The following RGS6 variants were observed in gnomAD, a reference collection of about 807,000 sequenced individuals.
RGS6 encodes the protein regulator of G-protein signaling 6.
RGS6 carries 30 observed loss-of-function variants against 78.5 expected under a neutral mutation model. That is an observed-to-expected ratio of 0.38 (90% confidence interval 0.29 to 0.52). The LOEUF is 0.52. Ranked by LOEUF, RGS6 falls within the 20% of genes least tolerant of loss-of-function variation. The probability of loss-of-function intolerance (pLI) is 0.85; values close to 1 mark genes in which losing one functional copy is unlikely to be tolerated. For synonymous variants in RGS6, 206 were observed against 206.0 expected, an observed-to-expected ratio of 1.00 and a Z score of 0.00; for missense variants, 495 against 609.7, an observed-to-expected ratio of 0.81 and a Z score of 1.98.
At chr14:72,129,381 AATGG>A (rs1182994246) in intron 2 of RGS6, among the ~76,000 whole-genome samples, 1 of 152,254 alleles carries the variant, frequency 6.6e-6, no homozygotes, top group Non-Finnish European at 1.5e-5. Context: ...TGAATAAACA[AATGG>A]ATGAACAAAC....
intron 3 of RGS6, among the ~76,000 whole-genome samples, chr14:72,418,712 T>C (rs995221389): frequency 6.6e-6 from 1 of 152,228 alleles, no homozygotes; most frequent in Non-Finnish European, 1.5e-5. Context: ...CTGTTGTTTA[T>C]TCTCACCTCT....
At chr14:72,582,237 C>A in the RGS6 span, among the ~76,000 whole-genome samples, 3 of 152,112 alleles carry the variant, frequency 2.0e-5, no homozygotes, top group Non-Finnish European at 2.9e-5. Flanking sequence ...TCAGTGGAAA[C>A]AAACCATACG....
chr14:71,932,989 A>C (rs1353494126), intron 1 of RGS6, 48 bp downstream of exon 1: 1 of 152,274 alleles, frequency 6.6e-6, no homozygotes, highest in African/African-American at 2.4e-5. Context: ...ATGGGGGAAA[A>C]ACATGGTTTA....
chr14:71,907,159 G>A, the RGS6 span, among the ~76,000 whole-genome samples: 5 of 152,212 alleles, frequency 3.3e-5, no homozygotes, highest in Non-Finnish European at 7.3e-5. Flanking sequence ...CTGCCCTCAT[G>A]AGGCTACGGT....
rs549853385 is a variant in RGS6 at position 72,216,738 on chromosome 14, G to A, written c.85-135357G>A. Among the ~76,000 whole-genome samples the A allele has an allele frequency of 6.6e-4, 101 of 152,238 alleles. 2 individuals carry two copies. Among genetic ancestry groups the A allele is most frequent in the African/African-American group, 2.2e-3 (91 of 41,556 alleles). ...GAAGAGCTAATCAGCCTTGAACGGCGCTGAGGTGTGTGTTTCTCTCTCTCT... is the reference window on the plus strand; with the variant it reads ...GAAGAGCTAATCAGCCTTGAACGGCACTGAGGTGTGTGTTTCTCTCTCTCT... On this transcript the variant is annotated intron_variant, in intron 2 of 17. Coordinates refer to ENST00000553525, the MANE Select transcript of RGS6 (RefSeq NM_001204424.2).
At chr14:71,893,059 T>C in the RGS6 span, among the ~76,000 whole-genome samples, 1 of 152,384 alleles carries the variant, frequency 6.6e-6, no homozygotes, top group African/African-American at 2.4e-5. Flanking sequence ...GTAAAATCTT[T>C]ATTAGTTGGT....
At chr14:72,520,432 T>A (rs996165283) in intron 15 of RGS6, among the ~76,000 whole-genome samples, 7 of 152,238 alleles carry the variant, frequency 4.6e-5, no homozygotes, top group African/African-American at 1.2e-4. Context: ...GGTGCTCTCC[T>A]ATCAGAAGGC....
chr14:71,914,466 T>G, the RGS6 span, among the ~76,000 whole-genome samples: 2 of 152,212 alleles, frequency 1.3e-5, no homozygotes, highest in Admixed American at 6.5e-5. Context: ...CTGGTGAGCT[T>G]GTTTTCTACC....
chr14:72,142,481 A>G (rs986971630), intron 2 of RGS6, among the ~76,000 whole-genome samples: 4 of 152,186 alleles, frequency 2.6e-5, no homozygotes, highest in Non-Finnish European at 5.9e-5. Flanking sequence ...AAAATCACTC[A>G]GAGGAAGTCC....
At chr14:72,179,791 C>T (rs2097151362) in intron 2 of RGS6, among the ~76,000 whole-genome samples, 1 of 152,030 alleles carries the variant, frequency 6.6e-6, no homozygotes, top group South Asian at 2.1e-4. Flanking sequence ...CACCTGGGAA[C>T]TTGTTACAAA....
At chr14:72,465,470 G>C (rs1256019319) in intron 6 of RGS6, among the ~76,000 whole-genome samples, 2 of 46,478 alleles carry the variant, frequency 4.3e-5, no homozygotes, top group Admixed American at 2.5e-4. Context: ...TCCCAGGACA[G>C]TGCTCATGAG....
chr14:72,521,882 A>G (rs1259549380), intron 15 of RGS6, among the ~76,000 whole-genome samples: 1 of 152,250 alleles, frequency 6.6e-6, no homozygotes, highest in African/African-American at 2.4e-5. Flanking sequence ...ACAATAAGAC[A>G]GAGTAAATAC....
intron 2 of RGS6, among the ~76,000 whole-genome samples, chr14:72,122,739 C>T (rs1263048505): frequency 2.8e-4 from 35 of 125,316 alleles, no homozygotes; most frequent in Non-Finnish European, 4.2e-4. Context: ...TCTAAGTTAT[C>T]GTTTTTTTTT....
At chr14:72,522,957 A>G (rs1190692165) in intron 15 of RGS6, among the ~76,000 whole-genome samples, 1 of 152,256 alleles carries the variant, frequency 6.6e-6, no homozygotes, top group African/African-American at 2.4e-5. Context: ...ATGGCAACAC[A>G]GCAATCTGAA....
intron 17 of RGS6, among the ~76,000 whole-genome samples, chr14:72,547,585 C>CG (rs2097427403): frequency 6.6e-6 from 1 of 152,098 alleles, no homozygotes; most frequent in Non-Finnish European, 1.5e-5. Context: ...GGGACACTGC[C>CG]GGGGGTGGGA....
intron 2 of RGS6, among the ~76,000 whole-genome samples, chr14:72,028,509 T>C (rs1339444086): frequency 6.6e-6 from 1 of 152,246 alleles, no homozygotes; most frequent in East Asian, 1.9e-4. Flanking sequence ...TTTCTGGTAA[T>C]AGCATGCTAA....
At position 72,474,737 on chromosome 14, in the gene RGS6, A is replaced by C. The variant is rs772473913; in HGVS notation, c.693+38A>C. ...AGCTGAGTTAAAAATTCCTGATGTG[A>C]ATAGCCCTTCCAGTTCTAGTACTAT... On this transcript the variant is annotated intron_variant, in intron 10 of 17. Coordinates refer to ENST00000553525, the MANE Select transcript of RGS6 (RefSeq NM_001204424.2). The C allele has an allele frequency of 2.0e-6, 3 of 1,528,106 alleles. No individual in the cohort carries two copies. The East Asian group carries it at 6.8e-5, about 34-fold the overall frequency. 94.7% of individuals were successfully genotyped at this position (1,528,106 alleles called of 1,614,324 possible).
intron 4 of RGS6, among the ~76,000 whole-genome samples, chr14:72,456,172 C>A (rs2095624686): frequency 6.6e-6 from 1 of 152,122 alleles, no homozygotes. Context: ...AAGCTAAGAA[C>A]CATTTGTCAG....
intron 2 of RGS6, among the ~76,000 whole-genome samples, chr14:71,994,038 T>G (rs972594805): frequency 1.3e-5 from 2 of 151,708 alleles, no homozygotes; most frequent in African/African-American, 4.8e-5. Context: ...TCCTGCCAAT[T>G]CAGGGTTCTG....
Sources: gnomAD v4.1 joint callset for allele counts (sites outside exome capture counted in the v4.1 genomes callset) on GRCh38, gnomAD v4.1.1 for gene constraint, MANE v1.5 for transcripts, NCBI Gene and HGNC (gene_info 2026-07-23, HGNC 2026-07-21) for gene names.